Variants in ANKRD46 observed in about 807,000 individuals in gnomAD.
ANKRD46 encodes ankyrin repeat domain-containing protein 46.
In ANKRD46, 13 loss-of-function variants were observed where a neutral mutation model predicts 19.8. The observed-to-expected ratio is 0.66, with a 90% CI of 0.43 to 1.04. ANKRD46 has a LOEUF of 1.04. Ranked by LOEUF, ANKRD46 falls within the 50% of genes least tolerant of loss-of-function variation. ANKRD46 has a pLI of 0.00. For missense variants in ANKRD46, 185 were observed against 274.8 expected, an observed-to-expected ratio of 0.67 and a Z score of 2.31; for synonymous variants, 91 against 106.9, an observed-to-expected ratio of 0.85 and a Z score of 0.92.
chr8:100,535,149 T>A (rs753277774), intron 1 of ANKRD46, among the ~76,000 whole-genome samples: 9 of 152,184 alleles, frequency 5.9e-5, no homozygotes, highest in Non-Finnish European at 1.2e-4. Context: ...CATAATAATA[T>A]TATACAAATT....
intron 1 of ANKRD46, among the ~76,000 whole-genome samples, chr8:100,554,882 A>C (rs945190811): frequency 1.3e-5 from 2 of 151,690 alleles, no homozygotes; most frequent in African/African-American, 4.9e-5. Context: ...AAATACAAAA[A>C]TTAGCTGTGT....
At position 100,535,209 on chromosome 8, in the gene ANKRD46, G is replaced by A. The variant is rs16898534; in HGVS notation, c.-130-1898C>T. 7.6e-3 allele frequency among the ~76,000 whole-genome samples: 1,151 copies of A among 152,276 alleles called. 18 individuals carry two copies. Among genetic ancestry groups the A allele is most frequent in the African/African-American group, 0.026 (1,069 of 41,532 alleles). ...TGCCAAGAAAACTTCCAAGACCTCA[G>A]TTAGACCTTACTCACTAGACTCTGT... is the stretch of plus-strand genomic sequence containing the variant. On this transcript the variant is annotated intron_variant, in intron 1 of 4. Coordinates refer to ENST00000335659, the MANE Select transcript of ANKRD46 (RefSeq NM_001270377.2).
chr8:100,538,492 G>A (rs1812109185), intron 1 of ANKRD46, among the ~76,000 whole-genome samples: 1 of 152,114 alleles, frequency 6.6e-6, no homozygotes, highest in Non-Finnish European at 1.5e-5. Flanking sequence ...TAGGTTATAT[G>A]CAAATACCAT....
downstream of ANKRD46, among the ~76,000 whole-genome samples, chr8:100,516,255 A>T (rs868700283): frequency 2.0e-5 from 3 of 152,342 alleles, no homozygotes; most frequent in Middle Eastern, 6.8e-3. Flanking sequence ...TGATTTCCAT[A>T]GTTTAGAATA....
At position 100,511,822 on chromosome 8, in the gene ANKRD46, G is replaced by C. The variant is rs1169034732; in HGVS notation, c.637-1183C>G. Among the ~76,000 whole-genome samples, 1 of 152,164 alleles carries C rather than the reference G, an allele frequency of 6.6e-6. No homozygotes were observed. Among genetic ancestry groups the C allele is most frequent in the Non-Finnish European group, 1.5e-5 (1 of 68,036 alleles). On this transcript the variant is annotated intron_variant, in intron 5 of 5. Coordinates refer to the ANKRD46 transcript ENST00000520552. This position sits in a 1 kb window ranked among gnomAD's most constrained non-coding sequence, Gnocchi z 4.1. ...GCAGATCACTTGAGGTCAGGAGTTC[G>C]AGACCAGCCTGGCCAACAATGGTGA...
At chr8:100,540,878 C>A (rs960787359) in intron 1 of ANKRD46, among the ~76,000 whole-genome samples, 1 of 151,988 alleles carries the variant, frequency 6.6e-6, no homozygotes. Flanking sequence ...CAGGAGGTTT[C>A]CAGTTTATAG....
chr8:100,524,495 C>T lies in ANKRD46; in HGVS notation c.471-1724G>A, dbSNP rs1197575214. Among the ~76,000 whole-genome samples, 1 of 103,574 alleles carries T rather than the reference C, an allele frequency of 9.7e-6. No homozygotes were observed. Among genetic ancestry groups the T allele is most frequent in the African/African-American group, 4.4e-5 (1 of 22,862 alleles). 67.9% of individuals were successfully genotyped at this position (103,574 alleles called of 152,430 possible). On this transcript the variant is annotated intron_variant, in intron 4 of 4. Coordinates refer to ENST00000335659, the MANE Select transcript of ANKRD46 (RefSeq NM_001270377.2). This position sits in a 1 kb window ranked among gnomAD's most constrained non-coding sequence, Gnocchi z 4.3. ...CTTCCTAATGGGCCAGTCTGCTTAA[C>T]ACCCAAACTTTTTTTTTTTTAATAA...
chr8:100,551,641 G>T, intron 1 of ANKRD46: 1 of 701,284 alleles, frequency 1.4e-6, no homozygotes, highest in Non-Finnish European at 2.6e-6. Flanking sequence ...CTTTACTAGA[G>T]TTAAAAGCAG....
chr8:100,550,874 G>A lies in ANKRD46; in HGVS notation c.-131+8837C>T, dbSNP rs1473785544. 7 of 523,452 alleles carry A rather than the reference G, an allele frequency of 1.3e-5. 1 individual carries two copies. The Admixed American group carries it at 1.6e-4, about 12-fold the overall frequency. 32.4% of individuals were successfully genotyped at this position (523,452 alleles called of 1,614,324 possible). ...AGTGAGTGTCACTGTTAAAGTCAGA[G>A]GAAACAACCTGGTGTTCAGTGTAGC... On this transcript the variant is annotated intron_variant, in intron 1 of 4. Transcript: ENST00000335659. The surrounding 1 kb of genome is among the most constrained non-coding windows in gnomAD (Gnocchi z 4.4).
At chr8:100,552,703 A>C (rs929705911) in intron 1 of ANKRD46, among the ~76,000 whole-genome samples, 1 of 152,234 alleles carries the variant, frequency 6.6e-6, no homozygotes, top group Non-Finnish European at 1.5e-5. Context: ...TTATTTTTCT[A>C]TGGTGTATAA....
At position 100,513,862 on chromosome 8, in the gene ANKRD46, G is replaced by A. The variant is rs140769441; in HGVS notation, c.637-3223C>T. The stretch of plus-strand genomic sequence containing the variant: ...GTGCTGGTGGAATTGTACTAACTAG[G>A]ACTATCCAAAGTAAGTTACAGATTT... On this transcript the variant is annotated intron_variant, in intron 5 of 5. Transcript: ENST00000520552. Among the ~76,000 whole-genome samples the A allele has an allele frequency of 2.6e-5, 4 of 152,298 alleles. No individual in the cohort carries two copies. The East Asian group carries it at 7.7e-4, about 29-fold the overall frequency.
In ANKRD46 at chr8:100,537,962, C is replaced by G. The variant is rs909662797; in HGVS notation, c.-130-4651G>C. Among the ~76,000 whole-genome samples the G allele has an allele frequency of 9.9e-5, 15 of 152,106 alleles. No homozygotes were observed. Among genetic ancestry groups the G allele is most frequent in the African/African-American group, 3.6e-4 (15 of 41,408 alleles). ...AGTTGTCAAGATAACCAGGAGAAAACAGTTCATGTAAAACTTTGTTGCTTG... is the reference window on the plus strand; with the variant it reads ...AGTTGTCAAGATAACCAGGAGAAAAGAGTTCATGTAAAACTTTGTTGCTTG... On this transcript the variant is annotated intron_variant, in intron 1 of 4. Coordinates refer to ENST00000335659, the MANE Select transcript of ANKRD46 (RefSeq NM_001270377.2). The surrounding 1 kb of genome is among the most constrained non-coding windows in gnomAD (Gnocchi z 4.2).
In ANKRD46 at chr8:100,543,479, G is replaced by C. The variant is rs1298377229; in HGVS notation, c.-130-10168C>G. Among the ~76,000 whole-genome samples the C allele has an allele frequency of 1.3e-5, 2 of 152,136 alleles. No homozygotes were observed. Among genetic ancestry groups the C allele is most frequent in the Non-Finnish European group, 2.9e-5 (2 of 68,006 alleles). ...AACTGTTAAGAACTTGTTTTTAAAAGTTTGAACAACTGCTAAACTTTCGTC... is the reference window on the plus strand; with the variant it reads ...AACTGTTAAGAACTTGTTTTTAAAACTTTGAACAACTGCTAAACTTTCGTC... On this transcript the variant is annotated intron_variant, in intron 1 of 4. Coordinates refer to ENST00000335659, the MANE Select transcript of ANKRD46 (RefSeq NM_001270377.2). The surrounding 1 kb of genome is among the most constrained non-coding windows in gnomAD (Gnocchi z 4.2).
chr8:100,520,117 G>C (rs1214288877), downstream of ANKRD46, among the ~76,000 whole-genome samples: 1 of 152,152 alleles, frequency 6.6e-6, no homozygotes, highest in African/African-American at 2.4e-5. Flanking sequence ...GGGGAAAGGA[G>C]GGGTTGGGAA....
intron 2 of ANKRD46, among the ~76,000 whole-genome samples, chr8:100,530,873 G>A (rs1811947327): frequency 6.6e-6 from 1 of 152,150 alleles, no homozygotes; most frequent in Admixed American, 6.5e-5. Context: ...GGAAAAAAAA[G>A]TAGGGCTGTC....
In ANKRD46 at chr8:100,537,882, G is replaced by A. The variant is rs1358459312; in HGVS notation, c.-130-4571C>T. 6.6e-6 allele frequency among the ~76,000 whole-genome samples: 1 copy of A among 152,188 alleles called. No individual in the cohort carries two copies. Among genetic ancestry groups the A allele is most frequent in the Non-Finnish European group, 1.5e-5 (1 of 68,026 alleles). On this transcript the variant is annotated intron_variant, in intron 1 of 4. Coordinates refer to ENST00000335659, the MANE Select transcript of ANKRD46 (RefSeq NM_001270377.2). The surrounding 1 kb of genome is among the most constrained non-coding windows in gnomAD (Gnocchi z 4.2). ...TAGGGCCATACTGCTTTAAGTGGCA[G>A]GGTGGGGCTTCATATTTAGCTTATA...
At chr8:100,519,996 C>T (rs934319943), downstream of ANKRD46, among the ~76,000 whole-genome samples, 2 of 152,086 alleles carry the variant, frequency 1.3e-5, no homozygotes, top group Admixed American at 1.3e-4. Context: ...AGACTAAGTC[C>T]CTGCTCTCAT....
rs907314043 is a variant in ANKRD46, at chr8:100,534,846, C to T, written c.-130-1535G>A. ...GTGCAGTGGTGCAATCTCGACTCAC[C>T]TGCAGAGGCCTCCGCGTTCAAGCAA... is the stretch of plus-strand genomic sequence containing the variant. On this transcript the variant is annotated intron_variant, in intron 1 of 4. Coordinates refer to ENST00000335659, the MANE Select transcript of ANKRD46 (RefSeq NM_001270377.2). The surrounding 1 kb of genome is among the most constrained non-coding windows in gnomAD (Gnocchi z 4.2). Among the ~76,000 whole-genome samples, 2 of 152,168 alleles carry T rather than the reference C, an allele frequency of 1.3e-5. No homozygotes were observed. Among genetic ancestry groups the T allele is most frequent in the African/African-American group, 4.8e-5 (2 of 41,442 alleles).
downstream of ANKRD46, among the ~76,000 whole-genome samples, chr8:100,518,906 T>C (rs566162081): frequency 6.6e-6 from 1 of 152,062 alleles, no homozygotes; most frequent in African/African-American, 2.4e-5. Context: ...TAATACCTTG[T>C]TTTAAAATGT....
Sources: allele counts gnomAD v4.1 joint callset (sites outside exome capture counted in the v4.1 genomes callset), GRCh38; gene constraint gnomAD v4.1.1; non-coding constraint Gnocchi (gnomAD v3.1); transcripts MANE v1.5; gene names NCBI Gene and HGNC (gene_info 2026-07-23, HGNC 2026-07-21).